KIN: variants seen among roughly 807,000 people sequenced by gnomAD.
KIN encodes Kin17 DNA and RNA binding protein.
In KIN, 47 loss-of-function variants were observed where a neutral mutation model predicts 63.0. The ratio of observed to expected loss-of-function variants is 0.75; its 90% CI spans 0.59 to 0.95. The LOEUF (loss-of-function observed/expected upper bound fraction) is 0.95, where lower values mean the gene tolerates loss of function less well. Ranked by LOEUF, KIN falls within the 40% of genes least tolerant of loss-of-function variation. KIN has a pLI of 0.00. For synonymous variants in KIN, 160 were observed against 157.7 expected (o/e 1.01, Z -0.11); for missense variants, 408 against 460.9 (o/e 0.89, Z 1.05).
chr10:7,773,258 C>A (rs1228809211), intron 7 of KIN, among the ~76,000 whole-genome samples: 1 of 152,148 alleles, frequency 6.6e-6, no homozygotes, highest in Non-Finnish European at 1.5e-5. Flanking sequence ...TAGAATATGA[C>A]CTCAACATAT....
intron 8 of KIN, among the ~76,000 whole-genome samples, chr10:7,767,367 ACTG>A (rs1249170964): frequency 6.6e-6 from 1 of 152,178 alleles, no homozygotes; most frequent in African/African-American, 2.4e-5. Flanking sequence ...TCACTGATTC[ACTG>A]CTGAACAGCT....
intron 8 of KIN, among the ~76,000 whole-genome samples, chr10:7,767,583 G>A (rs1242960543): frequency 1.3e-5 from 2 of 152,136 alleles, no homozygotes; most frequent in African/African-American, 4.8e-5. Flanking sequence ...CCAGCCGGGT[G>A]CGGTGGCTCA....
In KIN at chr10:7,762,440, T is replaced by C. The variant is rs767412767; in HGVS notation, c.1018+17A>G. ...TTTTGATGGCATATGTATTAAATGG[T>C]CTGCAAACAGATTTACCTGGTGCTG... On this transcript the variant is annotated intron_variant, in intron 11 of 12. Coordinates refer to ENST00000379562, the MANE Select transcript of KIN (RefSeq NM_012311.4). 1.4e-6 allele frequency: 2 copies of C among 1,464,658 alleles called. No homozygotes were observed. Among genetic ancestry groups the C allele is most frequent in the Non-Finnish European group, 1.9e-6 (2 of 1,049,396 alleles). The allele number at this position is 1,464,658 out of a possible 1,614,324, so 90.7% of individuals were successfully genotyped here.
rs759453225 is a variant in KIN, at chr10:7,766,076, G to A, written c.826C>T (p.Arg276Ter). 13 of 1,610,794 alleles carry A rather than the reference G, an allele frequency of 8.1e-6. No individual in the cohort carries two copies. The highest frequency in any genetic ancestry group is 5.0e-5 in the Admixed American group (3 of 59,716). ...ACAGGCTGTAGCCAGTAGTCTGTTCGGGCAGTTCTTTTCTTTTCCTCTTCA... is the reference window on the plus strand; with the variant it reads ...ACAGGCTGTAGCCAGTAGTCTGTTCAGGCAGTTCTTTTCTTTTCCTCTTCA... Reference protein sequence around the residue: ...EIEEEKKRTARTDYWLQPEII... With the variant: ...EIEEEKKRTA The change falls in exon 9 of 13, where the codon CGA becomes TGA. Residue 276 changes from arginine to a stop codon, truncating the protein, a stop_gained. Transcript: ENST00000379562. LOFTEE classifies it high-confidence loss of function.
chr10:7,771,682 C>T (rs1250582087), intron 7 of KIN, among the ~76,000 whole-genome samples: 1 of 152,016 alleles, frequency 6.6e-6, no homozygotes, highest in Admixed American at 6.6e-5. Flanking sequence ...CATTTGAGGT[C>T]AGGAGTTTGA....
At chr10:7,783,326 CA>C (rs78045902) in intron 1 of KIN, 151 bp from the exon 2 acceptor site, 11 of 408,072 alleles carry the variant, frequency 2.7e-5, no homozygotes, top group South Asian at 1.9e-4. Flanking sequence ...ATCAGGTTTT[CA>C]AAAAAAATTT....
intron 8 of KIN, chr10:7,766,359 C>G: frequency 5.2e-6 from 2 of 383,544 alleles, no homozygotes; most frequent in South Asian, 7.0e-5. Context: ...AGACACAACT[C>G]CTATTCAGCT....
rs148973626 is a variant in KIN at position 7,763,088 on chromosome 10, T to G, written c.919-532A>C. 7.3e-3 allele frequency among the ~76,000 whole-genome samples: 1,114 copies of G among 152,134 alleles called. 12 individuals are homozygous for G. The highest frequency in any genetic ancestry group is 0.024 in the African/African-American group (996 of 41,490). On this transcript the variant is annotated intron_variant, in intron 10 of 12. Transcript: ENST00000379562. Reference sequence around the variant, plus strand: ...CCAGCCAACTTGGTGAAACCCCGTTTCTACTAAAAATATAAAAGTTAGCCA... The same window carrying G: ...CCAGCCAACTTGGTGAAACCCCGTTGCTACTAAAAATATAAAAGTTAGCCA...
intron 1 of KIN, among the ~76,000 whole-genome samples, chr10:7,786,101 A>G (rs543283698): frequency 7.9e-5 from 12 of 152,322 alleles, no homozygotes; most frequent in African/African-American, 2.6e-4. Flanking sequence ...TAACAAATAT[A>G]ACACCTCGTT....
At chr10:7,782,589 G>A (rs1002587386) in intron 2 of KIN, among the ~76,000 whole-genome samples, 1 of 151,972 alleles carries the variant, frequency 6.6e-6, no homozygotes, top group Admixed American at 6.6e-5. Flanking sequence ...AGTAGAGACG[G>A]GGTTTTGTCA....
intron 1 of KIN, among the ~76,000 whole-genome samples, chr10:7,784,767 G>A (rs1343615148): frequency 4.6e-5 from 7 of 152,030 alleles, no homozygotes; most frequent in Non-Finnish European, 7.3e-5. Context: ...ACAGGTAAAA[G>A]GTTAATGGGA....
chr10:7,776,172 G>T (rs942595223), intron 5 of KIN, among the ~76,000 whole-genome samples: 3 of 150,566 alleles, frequency 2.0e-5, no homozygotes, highest in Non-Finnish European at 2.9e-5. Context: ...AGAGGTTGCA[G>T]TGAGCCAAGA....
rs1299875843 is a variant in KIN, at chr10:7,783,082, C to T, written c.208G>A (p.Glu70Lys). 1.3e-6 allele frequency: 2 copies of T among 1,561,658 alleles called. No homozygotes were observed. Among genetic ancestry groups the T allele is most frequent in the Non-Finnish European group, 1.8e-6 (2 of 1,142,526 alleles). Residue 70 changes from glutamate to lysine, a missense_variant and splice_region_variant, in exon 2 of 13, where the codon GAG becomes AAG. Glu to Lys is a moderately conservative substitution (Grantham distance 56). This residue lies in a region of KIN where 110 missense variants were observed against 164.9 expected (regional missense o/e 0.67). Transcript: ENST00000379562. ...NPQQFMDYFS[E>K]EFRNDFLELL... ...TAAAGAGTTCTTTGAGTTACTTACT[C>T]TGAAAAATAATCCATAAACTGCTGA... is the stretch of plus-strand genomic sequence containing the variant.
At chr10:7,777,078 T>C in intron 5 of KIN, among the ~76,000 whole-genome samples, 1 of 96,046 alleles carries the variant, frequency 1.0e-5, no homozygotes, top group East Asian at 2.7e-4. Context: ...AAAAAAAAAA[T>C]AGAACTTACA....
chr10:7,772,375 T>G (rs1268731423), intron 7 of KIN, among the ~76,000 whole-genome samples: 1 of 152,030 alleles, frequency 6.6e-6, no homozygotes, highest in African/African-American at 2.4e-5. Flanking sequence ...GAAAGTAAGG[T>G]TCCTTGAACA....
chr10:7,783,057 T>C, intron 2 of KIN, 24 bp downstream of exon 2: 6 of 1,287,484 alleles, frequency 4.7e-6, no homozygotes, highest in South Asian at 1.3e-5. Context: ...GCCTATAAGA[T>C]AAAGAGTTCT....
chr10:7,766,286 T>TA (rs916839316), intron 8 of KIN, 183 bp from the exon 9 acceptor site: 39 of 476,716 alleles, frequency 8.2e-5, no homozygotes, highest in East Asian at 1.1e-4. Flanking sequence ...GTTTTTGATT[T>TA]AAAAAAAACT....
At chr10:7,773,380 C>T (rs1835705252) in intron 7 of KIN, among the ~76,000 whole-genome samples, 1 of 152,170 alleles carries the variant, frequency 6.6e-6, no homozygotes, top group African/African-American at 2.4e-5. Context: ...CATCCATCTA[C>T]ATCTAGGAAT....
At chr10:7,782,002 G>A (rs539219992) in intron 2 of KIN, among the ~76,000 whole-genome samples, 5 of 152,116 alleles carry the variant, frequency 3.3e-5, no homozygotes, top group African/African-American at 7.2e-5. Context: ...AGGTTGCAGC[G>A]AGCCAAGATG....
Sources: allele counts gnomAD v4.1 joint callset (sites outside exome capture counted in the v4.1 genomes callset), GRCh38; gene constraint gnomAD v4.1.1; regional missense constraint gnomAD v4.1.1; transcripts MANE v1.5; gene names NCBI Gene and HGNC (gene_info 2026-07-23, HGNC 2026-07-21).